The following FBXL13 variants were observed in gnomAD, a reference collection of about 807,000 sequenced individuals.
The protein encoded by FBXL13 is F-box and leucine rich repeat protein 13, also known as F-box and leucine-rich repeat protein 13.
A neutral mutation model predicts 83.6 loss-of-function variants in FBXL13; 67 were observed. The observed-to-expected ratio is 0.80, with a 90% CI of 0.66 to 0.98. The LOEUF (loss-of-function observed/expected upper bound fraction) is 0.98. Among genes scored for constraint, FBXL13 ranks in the 50% least tolerant of loss-of-function variants. FBXL13 has a pLI of 0.00. For missense variants in FBXL13, 822 were observed against 866.5 expected (o/e 0.95, Z 0.64); for synonymous variants, 272 against 299.5 (o/e 0.91, Z 0.95).
intron 11 of FBXL13, among the ~76,000 whole-genome samples, chr7:102,903,645 A>T (rs1363950824): frequency 6.6e-6 from 1 of 150,910 alleles, no homozygotes; most frequent in Non-Finnish European, 1.5e-5. Flanking sequence ...ATTTTTTTTA[A>T]TTTTTTTTCT....
At chr7:102,867,212 G>T (rs1807775687) in intron 16 of FBXL13, among the ~76,000 whole-genome samples, 1 of 152,040 alleles carries the variant, frequency 6.6e-6, no homozygotes, top group South Asian at 2.1e-4. Flanking sequence ...TGAAAAATCA[G>T]CCAGTCATGA....
chr7:102,978,847 A>T (rs1267446925), intron 6 of FBXL13, among the ~76,000 whole-genome samples: 1 of 152,244 alleles, frequency 6.6e-6, no homozygotes, highest in African/African-American at 2.4e-5. Flanking sequence ...GCAAGCATCT[A>T]ATAACAAAGC....
intron 14 of FBXL13, among the ~76,000 whole-genome samples, chr7:102,879,142 A>T (rs555673278): frequency 2.0e-5 from 3 of 152,214 alleles, no homozygotes; most frequent in East Asian, 1.9e-4. Flanking sequence ...TCTAAGAAGC[A>T]TTTCAGCAAA....
chr7:102,999,383 T>C (rs189596422), intron 6 of FBXL13, among the ~76,000 whole-genome samples: 1 of 152,330 alleles, frequency 6.6e-6, no homozygotes, highest in Non-Finnish European at 1.5e-5. Flanking sequence ...GTGGTTTTCA[T>C]GTTGTCCCCT....
At chr7:102,988,895 A>C (rs1410962003) in intron 6 of FBXL13, 1 of 152,236 alleles carries the variant, frequency 6.6e-6, no homozygotes, top group African/African-American at 2.4e-5. Flanking sequence ...CTTAAAGAGA[A>C]ACCCCAGACA....
intron 11 of FBXL13, among the ~76,000 whole-genome samples, chr7:102,885,873 A>C (rs905769028): frequency 2.0e-5 from 3 of 152,160 alleles, no homozygotes; most frequent in Non-Finnish European, 4.4e-5. Context: ...TTGTTGAAGA[A>C]AGTATTCTTT....
chr7:102,872,059 G>C, intron 16 of FBXL13, among the ~76,000 whole-genome samples: 1 of 152,130 alleles, frequency 6.6e-6, no homozygotes, highest in East Asian at 1.9e-4. Flanking sequence ...GACACAGTAT[G>C]ACATTCCCTC....
chr7:103,041,169 A>G (rs1408712226), intron 2 of FBXL13, among the ~76,000 whole-genome samples: 1 of 152,218 alleles, frequency 6.6e-6, no homozygotes, highest in Non-Finnish European at 1.5e-5. Flanking sequence ...ACAGAAATAC[A>G]AACTACCATC....
chr7:102,977,935 C>T (rs1340853630), intron 6 of FBXL13, among the ~76,000 whole-genome samples: 5 of 151,618 alleles, frequency 3.3e-5, no homozygotes, highest in East Asian at 1.9e-4. Context: ...CATCACACAC[C>T]GGGGCCTGTT....
At chr7:102,851,147 C>T (rs1000939753) in intron 17 of FBXL13, among the ~76,000 whole-genome samples, 2 of 152,110 alleles carry the variant, frequency 1.3e-5, no homozygotes, top group South Asian at 2.1e-4. Context: ...ACTACCTTAA[C>T]ATTAGGGAGT....
rs539496454 is a variant in FBXL13, at chr7:102,828,734, A to G, written c.1854+4106T>C. On this transcript the variant is annotated intron_variant, in intron 18 of 19. Transcript: ENST00000313221. ...CTCCAAATAATGAACTTTTTGGGTAAAATGTTTTACCATATTAGTATAAGA... is the reference window on the plus strand; with the variant it reads ...CTCCAAATAATGAACTTTTTGGGTAGAATGTTTTACCATATTAGTATAAGA... Among the ~76,000 whole-genome samples, 8 of 152,294 alleles carry G rather than the reference A, an allele frequency of 5.3e-5. 1 individual carries two copies. Among genetic ancestry groups the G allele is most frequent in the Admixed American group, 5.2e-4 (8 of 15,294 alleles).
At chr7:102,962,986 AAT>A (rs10612534) in intron 8 of FBXL13, among the ~76,000 whole-genome samples, 64,846 of 100,558 alleles carry the variant, frequency 0.64, 17,981 homozygotes, top group Middle Eastern at 0.73. Context: ...GGATAATAAA[AAT>A]ATATATATAT....
exon 19 of FBXL13, chr7:102,822,104 C>A (rs746561374): frequency 6.2e-7 from 1 of 1,614,196 alleles, no homozygotes; most frequent in Non-Finnish European, 8.5e-7. Flanking sequence ...ATCTGAAGGT[C>A]CTCAAGGATT....
intron 6 of FBXL13, among the ~76,000 whole-genome samples, chr7:103,011,361 G>A (rs1420151424): frequency 6.6e-6 from 1 of 152,190 alleles, no homozygotes; most frequent in Non-Finnish European, 1.5e-5. Flanking sequence ...CAGGCCAGGC[G>A]TGGTGGCTCA....
chr7:102,878,571 G>T, intron 14 of FBXL13, 121 bp from the exon 16 acceptor site: 2 of 545,414 alleles, frequency 3.7e-6, no homozygotes, highest in South Asian at 6.7e-5. Flanking sequence ...TCTATATACT[G>T]GTATTTTGTC....
intron 11 of FBXL13, among the ~76,000 whole-genome samples, chr7:102,893,178 ACT>A (rs920304129): frequency 4.6e-5 from 7 of 152,322 alleles, no homozygotes; most frequent in Non-Finnish European, 1.0e-4. Context: ...CCAGACTTCT[ACT>A]TCCAATTTGT....
intron 1 of FBXL13, chr7:103,074,179 C>T: frequency 2.1e-6 from 2 of 951,834 alleles, no homozygotes; most frequent in Non-Finnish European, 2.5e-6. Flanking sequence ...TCTCAGCTTC[C>T]ACTCTTCCCT....
intron 5 of FBXL13, among the ~76,000 whole-genome samples, chr7:103,026,821 C>T (rs1793971596): frequency 6.6e-6 from 1 of 152,118 alleles, no homozygotes; most frequent in Non-Finnish European, 1.5e-5. Context: ...TTCCTATCTA[C>T]CCTTACTTTA....
At chr7:102,813,076 A>T (rs1454940590), downstream of FBXL13, among the ~76,000 whole-genome samples, 1 of 151,956 alleles carries the variant, frequency 6.6e-6, no homozygotes, top group Non-Finnish European at 1.5e-5. Flanking sequence ...CTCCTGACTT[A>T]TGGTCCACCC....
Sources: allele counts gnomAD v4.1 joint callset (sites outside exome capture counted in the v4.1 genomes callset), GRCh38; gene constraint gnomAD v4.1.1; transcripts MANE v1.5; gene names NCBI Gene and HGNC (gene_info 2026-07-23, HGNC 2026-07-21).